Variants in GRAMD1B observed in about 807,000 individuals in gnomAD.
GRAMD1B encodes protein Aster-B.
Under a neutral mutation model 99.7 loss-of-function variants are expected in GRAMD1B, and 37 were observed. The observed-to-expected ratio is 0.37, with a 90% confidence interval of 0.29 to 0.49. The LOEUF is 0.49. Ranked by LOEUF, GRAMD1B falls within the 20% of genes least tolerant of loss-of-function variation. The probability of loss-of-function intolerance (pLI) is 0.98; values close to 1 mark genes in which losing one functional copy is unlikely to be tolerated. For missense variants in GRAMD1B, 888 were observed against 1,009.2 expected (o/e 0.88, Z 1.63); for synonymous variants, 427 against 387.6 (o/e 1.10, Z -1.19).
chr11:123,519,435 CTTG>C (rs1282227420), intron 2 of GRAMD1B, among the ~76,000 whole-genome samples: 2 of 152,200 alleles, frequency 1.3e-5, no homozygotes, highest in Non-Finnish European at 2.9e-5. Flanking sequence ...TAGAAAGAGG[CTTG>C]TTGTGGAAAT....
intron 2 of GRAMD1B, among the ~76,000 whole-genome samples, chr11:123,495,114 TACAC>T (rs10695354): frequency 1.2e-4 from 18 of 148,646 alleles, no homozygotes; most frequent in South Asian, 6.4e-4. Context: ...TATATATACA[TACAC>T]ACACACACAC....
chr11:123,612,340 A>G (rs189244757), intron 14 of GRAMD1B, among the ~76,000 whole-genome samples: 2 of 152,338 alleles, frequency 1.3e-5, no homozygotes, highest in African/African-American at 4.8e-5. Context: ...TCTCTGGAGA[A>G]GGAGAGAATG....
intron 2 of GRAMD1B, among the ~76,000 whole-genome samples, chr11:123,531,159 T>C (rs907033391): frequency 1.3e-5 from 2 of 152,150 alleles, no homozygotes; most frequent in Non-Finnish European, 2.9e-5. Flanking sequence ...CTGCGAACAG[T>C]GTGAGATTTA....
intron 19 of GRAMD1B, among the ~76,000 whole-genome samples, chr11:123,622,049 C>T (rs1298090787): frequency 6.6e-6 from 1 of 151,388 alleles, no homozygotes; most frequent in Non-Finnish European, 1.5e-5. Context: ...AAGGCAGGGT[C>T]TTGCTCTGTT....
intron 1 of GRAMD1B, among the ~76,000 whole-genome samples, chr11:123,468,652 G>T (rs1207631517): frequency 6.6e-6 from 1 of 151,794 alleles, no homozygotes; most frequent in East Asian, 1.9e-4. Flanking sequence ...AAATCAGCCC[G>T]GTGTGATGGT....
intron 1 of GRAMD1B, among the ~76,000 whole-genome samples, chr11:123,383,586 G>T (rs2135804388): frequency 6.6e-6 from 1 of 152,116 alleles, no homozygotes; most frequent in East Asian, 1.9e-4. Flanking sequence ...CACCACCTGG[G>T]CTGTCGGTCA....
intron 17 of GRAMD1B, 196 bp from the exon 18 acceptor site, chr11:123,618,497 C>T (rs1954736008): frequency 3.5e-6 from 3 of 863,458 alleles, no homozygotes; most frequent in Non-Finnish European, 6.0e-6. Context: ...CTCCATGGCT[C>T]TCCCCTGTAT....
chr11:123,409,487 A>G (rs1490333030), intron 1 of GRAMD1B, among the ~76,000 whole-genome samples: 2 of 152,176 alleles, frequency 1.3e-5, no homozygotes, highest in African/African-American at 4.8e-5. Context: ...CTTAGCTGGG[A>G]CACTTCTGGT....
intron 1 of GRAMD1B, among the ~76,000 whole-genome samples, chr11:123,450,519 A>C (rs559969892): frequency 6.6e-6 from 1 of 152,334 alleles, no homozygotes; most frequent in South Asian, 2.1e-4. Context: ...GCAAATTATC[A>C]GTGCAATATT....
intron 1 of GRAMD1B, among the ~76,000 whole-genome samples, chr11:123,380,892 C>T (rs1334604545): frequency 1.3e-5 from 2 of 152,194 alleles, no homozygotes; most frequent in African/African-American, 2.4e-5. Context: ...TAATGACCAC[C>T]TCTTTTTCTT....
At chr11:123,518,005 G>T (rs1160924289) in intron 2 of GRAMD1B, among the ~76,000 whole-genome samples, 1 of 152,112 alleles carries the variant, frequency 6.6e-6, no homozygotes, top group Non-Finnish European at 1.5e-5. Context: ...GAGGAGCCAC[G>T]GGGGTGATTA....
intron 17 of GRAMD1B, chr11:123,618,210 C>T (rs1223232354): frequency 2.7e-6 from 2 of 742,548 alleles, no homozygotes; most frequent in Non-Finnish European, 4.8e-6. Context: ...TCCATTGTGT[C>T]TTTGCTTCTA....
rs776508003 is a variant in GRAMD1B, at chr11:123,613,654, G to A, written c.2223G>A (p.Val741=). The change falls in exon 16 of 20, where the codon GTG becomes GTA. Residue 741 remains valine (V), a synonymous_variant. Coordinates refer to ENST00000635736, the MANE Select transcript of GRAMD1B (RefSeq NM_001387025.1). The stretch of plus-strand genomic sequence containing the variant: ...ATGTGGGCCACAGGATCAAACATGT[G>A]GCAGGTGTGTGCCAGGTGGGGACAG... The part of the protein sequence containing the change: ...DEDVGHRIKH[V]AGSTQTRHIP... The A allele has an allele frequency of 2.5e-6, 4 of 1,612,642 alleles. No individual in the cohort carries two copies. The highest frequency in any genetic ancestry group is 3.4e-6 in the Non-Finnish European group (4 of 1,179,484).
intron 2 of GRAMD1B, among the ~76,000 whole-genome samples, chr11:123,542,313 G>A (rs1944614763): frequency 6.6e-6 from 1 of 152,246 alleles, no homozygotes; most frequent in Admixed American, 6.5e-5. Context: ...CCTTGGCCAG[G>A]CAACTGAGAG....
intron 2 of GRAMD1B, among the ~76,000 whole-genome samples, chr11:123,526,921 C>T (rs1226850280): frequency 1.3e-5 from 2 of 152,200 alleles, no homozygotes; most frequent in African/African-American, 2.4e-5. Context: ...GGAGATTGCA[C>T]GGGCAGGTGA....
At chr11:123,552,086 C>T (rs1162522452) in intron 2 of GRAMD1B, among the ~76,000 whole-genome samples, 1 of 152,118 alleles carries the variant, frequency 6.6e-6, no homozygotes, top group Non-Finnish European at 1.5e-5. Flanking sequence ...CCTGATCACA[C>T]ATGGGGCCCT....
chr11:123,535,657 T>C (rs184780169), intron 2 of GRAMD1B, among the ~76,000 whole-genome samples: 2 of 152,186 alleles, frequency 1.3e-5, no homozygotes, highest in Admixed American at 1.3e-4. Flanking sequence ...CAGGGCTGGG[T>C]TAGGAGTGAT....
intron 1 of GRAMD1B, among the ~76,000 whole-genome samples, chr11:123,390,322 T>C (rs962043675): frequency 6.6e-6 from 1 of 152,160 alleles, no homozygotes; most frequent in Admixed American, 6.5e-5. Flanking sequence ...GGAGCCCCTG[T>C]GTCCACCCAT....
At chr11:123,575,520 C>T (rs1353769085) in intron 2 of GRAMD1B, among the ~76,000 whole-genome samples, 1 of 152,160 alleles carries the variant, frequency 6.6e-6, no homozygotes, top group Non-Finnish European at 1.5e-5. Flanking sequence ...ATAGTTGGGA[C>T]TAGAGGGTAG....
Sources: gnomAD v4.1 joint callset for allele counts (sites outside exome capture counted in the v4.1 genomes callset) on GRCh38, gnomAD v4.1.1 for gene constraint, MANE v1.5 for transcripts, NCBI Gene and HGNC (gene_info 2026-07-23, HGNC 2026-07-21) for gene names.